Variants in ADGRL3 observed in about 807,000 individuals in gnomAD.
The protein encoded by ADGRL3 is adhesion G protein-coupled receptor L3.
In ADGRL3, 62 loss-of-function variants were observed where a neutral mutation model predicts 153.5. The observed-to-expected ratio is 0.40, with a 90% CI of 0.33 to 0.50. The LOEUF (loss-of-function observed/expected upper bound fraction) is 0.50, where lower values mean the gene tolerates loss of function less well. Ranked by LOEUF, ADGRL3 falls within the 20% of genes least tolerant of loss-of-function variation. ADGRL3 has a pLI of 0.47. For missense variants in ADGRL3, 1,641 were observed against 1,859.4 expected, an observed-to-expected ratio of 0.88 and a Z score of 2.16; for synonymous variants, 710 against 672.5, an observed-to-expected ratio of 1.06 and a Z score of -0.86.
intron 2 of ADGRL3, among the ~76,000 whole-genome samples, chr4:61,405,307 T>C (rs887546961): frequency 2.6e-5 from 4 of 152,068 alleles, no homozygotes; most frequent in Admixed American, 1.3e-4. Flanking sequence ...ATTAGTATTA[T>C]AGTAACTATA....
intron 8 of ADGRL3, among the ~76,000 whole-genome samples, chr4:61,810,782 T>A (rs1176331073): frequency 1.3e-5 from 2 of 152,226 alleles, no homozygotes; most frequent in East Asian, 1.9e-4. Flanking sequence ...AAGGTTTTTT[T>A]ATGTGTTTTT....
At chr4:61,366,323 A>G (rs570608359) in intron 1 of ADGRL3, among the ~76,000 whole-genome samples, 1 of 152,298 alleles carries the variant, frequency 6.6e-6, no homozygotes, top group South Asian at 2.1e-4. Flanking sequence ...ATCAATGTCT[A>G]TTGACACATT....
intron 4 of ADGRL3, among the ~76,000 whole-genome samples, chr4:61,586,893 A>C (rs917630195): frequency 6.6e-6 from 1 of 152,098 alleles, no homozygotes. Flanking sequence ...TTTTATTTGA[A>C]TATCTGACTG....
intron 15 of ADGRL3, among the ~76,000 whole-genome samples, chr4:61,945,826 C>T (rs1387509819): frequency 6.6e-6 from 1 of 151,994 alleles, no homozygotes; most frequent in Non-Finnish European, 1.5e-5. Flanking sequence ...CTGGCCTGCG[C>T]CCACTGTCTG....
At chr4:61,394,786 A>G (rs1258812807) in intron 2 of ADGRL3, among the ~76,000 whole-genome samples, 1 of 152,076 alleles carries the variant, frequency 6.6e-6, no homozygotes, top group East Asian at 1.9e-4. Context: ...ACAAAATTTA[A>G]TTCCTGGGGA....
At chr4:61,457,592 C>T (rs1357488612) in intron 2 of ADGRL3, among the ~76,000 whole-genome samples, 1 of 151,872 alleles carries the variant, frequency 6.6e-6, no homozygotes, top group Non-Finnish European at 1.5e-5. Context: ...CTTTAATTTA[C>T]ATTTTTAATC....
chr4:61,828,313 A>G (rs575775833), intron 9 of ADGRL3, among the ~76,000 whole-genome samples: 3 of 152,330 alleles, frequency 2.0e-5, no homozygotes, highest in African/African-American at 7.2e-5. Flanking sequence ...ACAGGCTGCA[A>G]TGCAAGCACA....
chr4:61,866,920 G>T (rs1306794833), intron 9 of ADGRL3, among the ~76,000 whole-genome samples: 2 of 152,072 alleles, frequency 1.3e-5, no homozygotes, highest in Non-Finnish European at 2.9e-5. Flanking sequence ...GAAGATCCTG[G>T]TATTGAGATG....
intron 17 of ADGRL3, among the ~76,000 whole-genome samples, chr4:61,949,035 T>A: frequency 6.7e-6 from 1 of 150,266 alleles, no homozygotes; most frequent in African/African-American, 2.4e-5. Flanking sequence ...AAAAAAACAC[T>A]AAGCAGGTCA....
chr4:61,211,096 TG>T (rs1739777586), intron 1 of ADGRL3, among the ~76,000 whole-genome samples: 1 of 152,206 alleles, frequency 6.6e-6, no homozygotes, highest in Non-Finnish European at 1.5e-5. Context: ...CTAAGTTATA[TG>T]TACTTCAATT....
rs1553934024 is a variant in ADGRL3, at chr4:61,456,377, A to ATATATATATATAGATATATCTATATC, written c.-173-40707_-173-40682dup. ...TATATATAGAGATATAGATATATCTATATATATATATAGATATATCTATAT... is the reference window on the plus strand; with the variant it reads ...TATATATAGAGATATAGATATATCTATATATATATATAGATATATCTATATCTATATATATATAGATATATCTATAT... On this transcript the variant is annotated intron_variant, in intron 2 of 26. Coordinates refer to ENST00000683033, the MANE Select transcript of ADGRL3 (RefSeq NM_001387552.1). Among the ~76,000 whole-genome samples the ATATATATATATAGATATATCTATATC allele has an allele frequency of 2.2e-4, 25 of 113,612 alleles. No individual in the cohort carries two copies. In the East Asian group the frequency reaches 2.9e-3, roughly 13 times the overall value. The allele number at this position is 113,612 out of a possible 152,430, so 74.5% of individuals were successfully genotyped here.
chr4:62,052,795 C>G (rs927061169), intron 25 of ADGRL3, among the ~76,000 whole-genome samples: 4 of 151,134 alleles, frequency 2.6e-5, no homozygotes, highest in African/African-American at 9.7e-5. Flanking sequence ...ATAGCTTTTC[C>G]CAGATCTTTG....
chr4:61,351,216 G>T (rs1465077791), intron 1 of ADGRL3, among the ~76,000 whole-genome samples: 1 of 152,198 alleles, frequency 6.6e-6, no homozygotes, highest in African/African-American at 2.4e-5. Context: ...CCAGGGGAAG[G>T]CCCTCACTCT....
intron 13 of ADGRL3, among the ~76,000 whole-genome samples, chr4:61,917,657 A>G (rs2098750899): frequency 6.6e-6 from 1 of 152,202 alleles, no homozygotes; most frequent in South Asian, 2.1e-4. Context: ...GTATTTGTGA[A>G]TTGCAGAAGT....
intron 2 of ADGRL3, among the ~76,000 whole-genome samples, chr4:61,476,901 T>C (rs2098068339): frequency 6.6e-6 from 1 of 151,774 alleles, no homozygotes; most frequent in Non-Finnish European, 1.5e-5. Flanking sequence ...AGGACTTTTC[T>C]ATGCTATCCC....
intron 5 of ADGRL3, among the ~76,000 whole-genome samples, chr4:61,662,623 G>C (rs2094637341): frequency 6.6e-6 from 1 of 152,198 alleles, no homozygotes; most frequent in African/African-American, 2.4e-5. Context: ...CACCATGGAT[G>C]GCAGGTTAAT....
At chr4:61,523,058 CGTGTGT>C (rs3075120) in intron 4 of ADGRL3, among the ~76,000 whole-genome samples, 183 of 150,556 alleles carry the variant, frequency 1.2e-3, no homozygotes, top group African/African-American at 4.3e-3. Flanking sequence ...GAAAATTGTG[CGTGTGT>C]GTGTGTGTGT....
At chr4:61,968,029 A>G (rs564450830) in intron 17 of ADGRL3, among the ~76,000 whole-genome samples, 17 of 152,324 alleles carry the variant, frequency 1.1e-4, no homozygotes, top group African/African-American at 4.1e-4. Flanking sequence ...CACTCCCATG[A>G]TAACAATATT....
chr4:61,839,101 C>A (rs2148965662), intron 9 of ADGRL3, among the ~76,000 whole-genome samples: 1 of 152,200 alleles, frequency 6.6e-6, no homozygotes, highest in African/African-American at 2.4e-5. Context: ...AAAAGTAATG[C>A]AACTTATGTG....
Sources: allele counts gnomAD v4.1 joint callset (sites outside exome capture counted in the v4.1 genomes callset), GRCh38; gene constraint gnomAD v4.1.1; transcripts MANE v1.5; gene names NCBI Gene and HGNC (gene_info 2026-07-23, HGNC 2026-07-21).